SMAD6: variants seen among roughly 807,000 people sequenced by gnomAD.
SMAD6 encodes SMAD family member 6.
Under a neutral mutation model 39.4 loss-of-function variants are expected in SMAD6, and 103 were observed. The ratio of observed to expected loss-of-function variants is 2.62; its 90% CI spans 2.23 to 3.08. The LOEUF (loss-of-function observed/expected upper bound fraction) is 3.08. SMAD6 is among the 30% of genes most tolerant of loss of function. The pLI is 0.00. For missense variants in SMAD6, 1,104 were observed against 742.9 expected (o/e 1.49, Z -5.65); for synonymous variants, 445 against 353.3 (o/e 1.26, Z -2.91).
chr15:66,734,687 C>T (rs1019537141), intron 3 of SMAD6, among the ~76,000 whole-genome samples: 7 of 152,106 alleles, frequency 4.6e-5, no homozygotes, highest in Non-Finnish European at 8.8e-5. Context: ...AATTTTTCCC[C>T]AAACTCAAAA....
At chr15:66,772,215 A>G (rs906070273) in intron 3 of SMAD6, among the ~76,000 whole-genome samples, 1 of 152,230 alleles carries the variant, frequency 6.6e-6, no homozygotes, top group Admixed American at 6.5e-5. Context: ...CTCTAAGCCT[A>G]GATAGATGGA....
At chr15:66,780,213 A>G (rs1894533555) in intron 3 of SMAD6, among the ~76,000 whole-genome samples, 1 of 152,192 alleles carries the variant, frequency 6.6e-6, no homozygotes, top group South Asian at 2.1e-4. Context: ...GTTCTGGTAC[A>G]AACCTGCATT....
intron 3 of SMAD6, among the ~76,000 whole-genome samples, chr15:66,730,755 C>G (rs564725873): frequency 3.6e-4 from 55 of 152,308 alleles, no homozygotes; most frequent in African/African-American, 1.2e-3. Flanking sequence ...ACCAACAAGA[C>G]GAGTTCTATT....
At chr15:66,721,570 C>G (rs1893432835) in intron 3 of SMAD6, among the ~76,000 whole-genome samples, 1 of 152,138 alleles carries the variant, frequency 6.6e-6, no homozygotes, top group African/African-American at 2.4e-5. Context: ...GTTGTGTGAC[C>G]TTGGGAGAGC....
At chr15:66,715,030 CTTTT>C (rs5813400) in intron 2 of SMAD6, among the ~76,000 whole-genome samples, 8 of 132,164 alleles carry the variant, frequency 6.1e-5, no homozygotes, top group Admixed American at 1.5e-4. Flanking sequence ...GAGCACTGAG[CTTTT>C]TTTTTTTTTT....
In SMAD6 at chr15:66,703,911, A is replaced by G. The variant is rs1595757336; in HGVS notation, c.653A>G (p.Gln218Arg). The G allele has an allele frequency of 7.7e-7, 1 of 1,293,764 alleles. No individual in the cohort carries two copies. The highest frequency in any genetic ancestry group is 9.7e-7 in the Non-Finnish European group (1 of 1,026,036). The allele number at this position is 1,293,764 out of a possible 1,614,324, so 80.1% of individuals were successfully genotyped here. ...VPRADLRLGG[Q>R]PAPPQLLLGR... ...CGCGCCGACCTCCGCCTGGGCGGCC[A>G]GCCCGCGCCGCCGCAGCTGCTGCTC... is the stretch of plus-strand genomic sequence containing the variant. Residue 218 changes from glutamine to arginine, a missense_variant, in exon 1 of 4, where the codon CAG (glutamine) becomes CGG (arginine). Transcript: ENST00000288840.
chr15:66,741,045 T>C (rs1893804161), intron 3 of SMAD6: 1 of 152,266 alleles, frequency 6.6e-6, no homozygotes, highest in Admixed American at 6.5e-5. Flanking sequence ...CGAGGCTGGC[T>C]GGGTGCCGGC....
chr15:66,778,908 CCCAG>C (rs1894512111), intron 3 of SMAD6, among the ~76,000 whole-genome samples: 1 of 152,248 alleles, frequency 6.6e-6, no homozygotes, highest in Non-Finnish European at 1.5e-5. Flanking sequence ...CGTCCTGTCT[CCCAG>C]CATACTCCAG....
intron 1 of SMAD6, chr15:66,706,273 A>G (rs566040691): frequency 3.9e-5 from 6 of 152,228 alleles, no homozygotes; most frequent in Admixed American, 6.5e-5. Flanking sequence ...TATTCTCCCC[A>G]TCTAAATCTG....
At chr15:66,711,849 C>A (rs576423586) in intron 2 of SMAD6, 125 bp downstream of exon 2, 10 of 775,954 alleles carry the variant, frequency 1.3e-5, no homozygotes, top group Admixed American at 6.3e-5. Flanking sequence ...GAAAGCCGGA[C>A]TGGTTGCTGT....
intron 2 of SMAD6, among the ~76,000 whole-genome samples, chr15:66,715,393 C>T (rs1176994736): frequency 6.6e-6 from 1 of 152,004 alleles, no homozygotes; most frequent in African/African-American, 2.4e-5. Flanking sequence ...GGAATTCTAG[C>T]TAGTGAGGGC....
At chr15:66,749,879 G>T (rs770914195) in intron 3 of SMAD6, among the ~76,000 whole-genome samples, 2 of 152,208 alleles carry the variant, frequency 1.3e-5, no homozygotes, top group Non-Finnish European at 2.9e-5. Flanking sequence ...CAGTTGTTCA[G>T]AGTTGCTGGG....
intron 3 of SMAD6, among the ~76,000 whole-genome samples, chr15:66,731,600 T>A (rs1056244722): frequency 5.3e-5 from 8 of 152,252 alleles, no homozygotes; most frequent in African/African-American, 1.9e-4. Context: ...GTACCTTTTT[T>A]AAAACTAGTA....
In SMAD6 at chr15:66,708,784, T is replaced by C. The variant is rs756974446; in HGVS notation, c.818-2884T>C. 15 of 466,302 alleles carry C rather than the reference T, an allele frequency of 3.2e-5. No individual in the cohort carries two copies. In the Admixed American group the frequency reaches 3.6e-4, roughly 11 times the overall value. 28.9% of individuals were successfully genotyped at this position (466,302 alleles called of 1,614,324 possible). On this transcript the variant is annotated intron_variant, in intron 1 of 3. Transcript: ENST00000288840. The stretch of plus-strand genomic sequence containing the variant: ...GGTTTTGGGGTTGGGGTCTAGAAAG[T>C]GACTGCCAATGGGGATGGTGTTTCT...
Position 66,703,417 on chromosome 15 carries a change from A to G in SMAD6, c.159A>G (p.Gly53=). 7.6e-7 allele frequency: 1 copy of G among 1,322,196 alleles called. No individual in the cohort carries two copies. The highest frequency in any genetic ancestry group is 9.7e-7 in the Non-Finnish European group (1 of 1,034,296). 81.9% of individuals were successfully genotyped at this position (1,322,196 alleles called of 1,614,324 possible). A position where few individuals can be genotyped will look rare whatever the true frequency, so the allele number is the denominator to read the frequency against. Residue 53 remains glycine, a synonymous_variant, in exon 1 of 4, where the codon GGA becomes GGG. Coordinates refer to ENST00000288840, the MANE Select transcript of SMAD6 (RefSeq NM_005585.5). The part of the protein sequence containing the change: ...AEPAPRAREG[G]GCGRSEVRPV... ...CGGCCCCGCGGGCAAGAGAGGGCGG[A>G]GGCTGCGGCCGCTCCGAAGTCCGCC...
intron 3 of SMAD6, among the ~76,000 whole-genome samples, chr15:66,722,870 C>A (rs532795101): frequency 1.2e-4 from 18 of 152,200 alleles, no homozygotes; most frequent in African/African-American, 3.9e-4. Context: ...AGAAGCAATG[C>A]GGGATGGTGG....
At chr15:66,772,532 A>T (rs755285521) in intron 3 of SMAD6, among the ~76,000 whole-genome samples, 15 of 152,220 alleles carry the variant, frequency 9.9e-5, no homozygotes, top group Admixed American at 3.3e-4. Context: ...TCAATCTATC[A>T]TATAATTTAT....
intron 1 of SMAD6, among the ~76,000 whole-genome samples, chr15:66,708,902 T>C (rs2084290632): frequency 6.6e-6 from 1 of 152,244 alleles, no homozygotes; most frequent in African/African-American, 2.4e-5. Context: ...TGGTATATTT[T>C]TAAAAAGGAT....
At chr15:66,745,302 G>A (rs1595783938) in intron 3 of SMAD6, among the ~76,000 whole-genome samples, 1 of 151,814 alleles carries the variant, frequency 6.6e-6, no homozygotes, top group Admixed American at 6.6e-5. Flanking sequence ...CCCCCTACCC[G>A]CACTCCTACC....
Sources: allele counts gnomAD v4.1 joint callset (sites outside exome capture counted in the v4.1 genomes callset), GRCh38; gene constraint gnomAD v4.1.1; transcripts MANE v1.5; gene names NCBI Gene and HGNC (gene_info 2026-07-23, HGNC 2026-07-21).